Variants in CDH3 observed in about 807,000 individuals in gnomAD.
CDH3 encodes cadherin-3.
CDH3 carries 54 observed loss-of-function variants against 82.0 expected under a neutral mutation model. The observed-to-expected ratio is 0.66, with a 90% CI of 0.53 to 0.83. CDH3 has a LOEUF of 0.83. Ranked by LOEUF, CDH3 falls within the 40% of genes least tolerant of loss-of-function variation. The probability of loss-of-function intolerance (pLI) is 0.00; values close to 1 mark genes in which losing one functional copy is unlikely to be tolerated. For missense variants in CDH3, 1,054 were observed against 1,084.6 expected (o/e 0.97, Z 0.40); for synonymous variants, 446 against 437.9 (o/e 1.02, Z -0.23).
chr16:68,684,752 AG>A lies in CDH3; in HGVS notation c.1355del (p.Gly452AlafsTer28). On this transcript the variant is annotated frameshift_variant, in exon 10 of 16. Coordinates refer to ENST00000264012, the MANE Select transcript of CDH3 (RefSeq NM_001793.6). LOFTEE classifies it high-confidence loss of function. ...CCCTCCAAAGTCGTTGAGGTCCAGG[AG>A]GGCATCCCCACTGGGGAGCCTGTGT... ...VPPSKVVEVQ[E>X]GIPTGEPVCV... is the part of the protein sequence containing the mutation. 2 of 1,614,122 alleles carry A rather than the reference AG, an allele frequency of 1.2e-6. No homozygotes were observed. Among genetic ancestry groups the A allele is most frequent in the East Asian group, 4.5e-5 (2 of 44,878 alleles).
chr16:68,725,188 T>G (rs1290835266), intron 2 of CDH3, among the ~76,000 whole-genome samples: 1 of 152,154 alleles, frequency 6.6e-6, no homozygotes, highest in Non-Finnish European at 1.5e-5. Flanking sequence ...CCAGGGGGCT[T>G]AACTCACTCC....
At chr16:68,652,553 T>A (rs998414302) in intron 2 of CDH3, among the ~76,000 whole-genome samples, 1 of 152,066 alleles carries the variant, frequency 6.6e-6, no homozygotes, top group Non-Finnish European at 1.5e-5. Context: ...GGCTGAACAG[T>A]CTCCATTCAG....
intron 15 of CDH3, chr16:68,696,316 G>C (rs548408065): frequency 8.9e-6 from 3 of 337,882 alleles, no homozygotes; most frequent in Non-Finnish European, 1.7e-5. Flanking sequence ...CTACTCGGGA[G>C]GCTGAGCACA....
intron 2 of CDH3, among the ~76,000 whole-genome samples, chr16:68,665,450 C>T (rs1456385827): frequency 1.3e-5 from 2 of 151,930 alleles, no homozygotes; most frequent in East Asian, 1.9e-4. Flanking sequence ...CATATTTGAC[C>T]CTAACAAGCA....
intron 7 of CDH3, 69 bp downstream of exon 7, chr16:68,680,043 G>C (rs1961171132): frequency 6.8e-6 from 10 of 1,466,128 alleles, no homozygotes; most frequent in Non-Finnish European, 8.6e-6. Flanking sequence ...TCTGAGAGCA[G>C]AAGCTCCTAT....
chr16:68,669,194 TA>T lies in CDH3; in HGVS notation c.161-7190del. On this transcript the variant is annotated intron_variant, in intron 2 of 15. Transcript: ENST00000264012. ...TGAGTTGTCAGATTGGGAGAAGTAA[TA>T]CCACATTGCAGGTTATTTTGTGAGG... Among the ~76,000 whole-genome samples the T allele has an allele frequency of 2.0e-5, 3 of 152,308 alleles. No homozygotes were observed. The East Asian group carries it at 5.8e-4, about 29-fold the overall frequency.
chr16:68,729,752 C>T (rs1000188798), downstream of CDH3, among the ~76,000 whole-genome samples: 1 of 152,040 alleles, frequency 6.6e-6, no homozygotes, highest in Non-Finnish European at 1.5e-5. Flanking sequence ...TTACCTCAGC[C>T]TCCCTAGTAG....
At chr16:68,732,412 T>C (rs886939816), downstream of CDH3, among the ~76,000 whole-genome samples, 7 of 152,184 alleles carry the variant, frequency 4.6e-5, no homozygotes, top group Admixed American at 3.3e-4. Context: ...GATTAATCTT[T>C]AGCCTCCAGG....
intron 2 of CDH3, among the ~76,000 whole-genome samples, chr16:68,726,770 G>C (rs538912498): frequency 2.6e-5 from 4 of 151,910 alleles, no homozygotes; most frequent in Admixed American, 2.6e-4. Context: ...TAGTAGAGAC[G>C]GGGTATCACC....
intron 2 of CDH3, among the ~76,000 whole-genome samples, chr16:68,649,240 C>T (rs1364610976): frequency 6.6e-6 from 1 of 152,120 alleles, no homozygotes; most frequent in Non-Finnish European, 1.5e-5. Context: ...ATCATCTGAC[C>T]CACAGTCAGC....
chr16:68,663,923 G>A (rs543648551), intron 2 of CDH3, among the ~76,000 whole-genome samples: 4 of 151,160 alleles, frequency 2.6e-5, no homozygotes, highest in South Asian at 4.2e-4. Flanking sequence ...CCATTAACTC[G>A]TCATTTAGCT....
intron 2 of CDH3, among the ~76,000 whole-genome samples, chr16:68,667,827 C>T (rs975077154): frequency 2.0e-5 from 3 of 152,188 alleles, no homozygotes; most frequent in Non-Finnish European, 4.4e-5. Flanking sequence ...GCCAGAGACT[C>T]CTGGTTTCCA....
chr16:68,727,040 G>T (rs1962227075), intron 2 of CDH3, among the ~76,000 whole-genome samples: 1 of 152,200 alleles, frequency 6.6e-6, no homozygotes, highest in African/African-American at 2.4e-5. Context: ...GTGAGGAAAA[G>T]TCACCCACAC....
downstream of CDH3, among the ~76,000 whole-genome samples, chr16:68,728,320 C>G (rs1021218861): frequency 6.6e-6 from 1 of 152,118 alleles, no homozygotes; most frequent in Non-Finnish European, 1.5e-5. Context: ...CGCCCGCCAC[C>G]ACGCCCAGCT....
Position 68,668,598 on chromosome 16 carries a change from C to T in CDH3, c.161-7787C>T, listed in dbSNP as rs1041176066. 3.3e-5 allele frequency among the ~76,000 whole-genome samples: 5 copies of T among 152,150 alleles called. No homozygotes were observed. The East Asian group carries it at 5.8e-4, about 18-fold the overall frequency. On this transcript the variant is annotated intron_variant, in intron 2 of 15. Coordinates refer to ENST00000264012, the MANE Select transcript of CDH3 (RefSeq NM_001793.6). ...AAGGCCAGCTTTTTCATGAAATCTC[C>T]GTCTTCTGCTTCCTCTGGTAAACCA...
At chr16:68,702,841 G>A (rs1171292315), downstream of CDH3, among the ~76,000 whole-genome samples, 3 of 151,964 alleles carry the variant, frequency 2.0e-5, no homozygotes, top group African/African-American at 7.3e-5. Context: ...CTCTAGCCTG[G>A]GCAACAGAGC....
At chr16:68,685,493 T>G in intron 11 of CDH3, 143 bp downstream of exon 11, 1 of 853,004 alleles carries the variant, frequency 1.2e-6, no homozygotes, top group Non-Finnish European at 1.9e-6. Flanking sequence ...CAAAGGGGTC[T>G]TTCAGAGGAG....
downstream of CDH3, among the ~76,000 whole-genome samples, chr16:68,728,620 G>C (rs1962251615): frequency 6.6e-6 from 1 of 152,148 alleles, no homozygotes; most frequent in Non-Finnish European, 1.5e-5. Context: ...TAAAGGCAGG[G>C]ACCGTATTTT....
chr16:68,683,838 C>T (rs1357836919), intron 9 of CDH3, among the ~76,000 whole-genome samples: 2 of 151,486 alleles, frequency 1.3e-5, no homozygotes, highest in Non-Finnish European at 2.9e-5. Flanking sequence ...GAGGCCGAGG[C>T]AGACAGATCA....
Sources: gnomAD v4.1 joint callset for allele counts (sites outside exome capture counted in the v4.1 genomes callset) on GRCh38, gnomAD v4.1.1 for gene constraint, MANE v1.5 for transcripts, NCBI Gene and HGNC (gene_info 2026-07-23, HGNC 2026-07-21) for gene names.